BDH1: variants seen among roughly 807,000 people sequenced by gnomAD.
The protein encoded by BDH1 is 3-hydroxybutyrate dehydrogenase 1, also known as D-beta-hydroxybutyrate dehydrogenase, mitochondrial.
In BDH1, 30 loss-of-function variants were observed where a neutral mutation model predicts 33.1. That is an observed-to-expected ratio of 0.91 (90% CI 0.68 to 1.23). The LOEUF (loss-of-function observed/expected upper bound fraction) is 1.23, where lower values mean the gene tolerates loss of function less well. BDH1 is among the 50% of genes most tolerant of loss of function. BDH1 has a pLI of 0.00. For missense variants in BDH1, 443 were observed against 464.4 expected (o/e 0.95, Z 0.42); for synonymous variants, 190 against 183.6 (o/e 1.03, Z -0.28).
chr3:197,512,135 C>CAGCT lies in BDH1; in HGVS notation c.788_791dup (p.Pro265AlafsTer3), dbSNP rs781744588. 1.9e-6 allele frequency: 3 copies of CAGCT among 1,614,198 alleles called. No homozygotes were observed. The South Asian group carries it at 3.3e-5, about 18-fold the overall frequency. ...CGTAGTCCTTGCGCACGACCTCAGGCAGCTCCTCCCACATCTTCTTGGCGA... is the reference window on the plus strand; with the variant it reads ...CGTAGTCCTTGCGCACGACCTCAGGCAGCTAGCTCCTCCCACATCTTCTTGGCGA... On this transcript the variant is annotated frameshift_variant, in exon 8 of 8. Transcript: ENST00000392379. LOFTEE classifies it high-confidence loss of function.
rs141988692 is a variant in BDH1, at chr3:197,551,102, C to T, written c.-44+3460G>A. On this transcript the variant is annotated intron_variant, in intron 2 of 7. Transcript: ENST00000392379. ...ACTCTTTTAGTTATTTTTATATGTGCAATTAAATGATCATTGACTATAGTC... is the reference window on the plus strand; with the variant it reads ...ACTCTTTTAGTTATTTTTATATGTGTAATTAAATGATCATTGACTATAGTC... 6.2e-3 allele frequency among the ~76,000 whole-genome samples: 942 copies of T among 152,248 alleles called. 8 individuals are homozygous for T. The highest frequency in any genetic ancestry group is 0.01 in the Non-Finnish European group (700 of 68,012).
intron 1 of BDH1, among the ~76,000 whole-genome samples, chr3:197,569,918 G>T (rs985682304): frequency 1.3e-5 from 2 of 152,212 alleles, no homozygotes; most frequent in African/African-American, 4.8e-5. Flanking sequence ...CTGGGTAACA[G>T]GCAGAGGTTA....
At chr3:197,532,913 G>C (rs1022364252) in intron 4 of BDH1, among the ~76,000 whole-genome samples, 1 of 152,192 alleles carries the variant, frequency 6.6e-6, no homozygotes, top group Non-Finnish European at 1.5e-5. Context: ...TTTGGCTCTT[G>C]TTGCCCAGGC....
rs1049943574 is a variant in BDH1 at position 197,523,955 on chromosome 3, G to A, written c.268-1174C>T. Among the ~76,000 whole-genome samples the A allele has an allele frequency of 1.3e-5, 2 of 152,174 alleles. No individual in the cohort carries two copies. The highest frequency in any genetic ancestry group is 4.8e-5 in the African/African-American group (2 of 41,444). On this transcript the variant is annotated intron_variant, in intron 5 of 7. Transcript: ENST00000392379. The surrounding 1 kb of genome is among the most constrained non-coding windows in gnomAD (Gnocchi z 4.5). ...CAGGGGTCTGCTTGTGGGCACTGCCGAGCTGCTGGGGGGCTTTCCTCTAAG... is the reference window on the plus strand; with the variant it reads ...CAGGGGTCTGCTTGTGGGCACTGCCAAGCTGCTGGGGGGCTTTCCTCTAAG...
At chr3:197,570,931 G>A (rs1171966223) in intron 1 of BDH1, among the ~76,000 whole-genome samples, 1 of 152,218 alleles carries the variant, frequency 6.6e-6, no homozygotes, top group Non-Finnish European at 1.5e-5. Flanking sequence ...CCATGTGCCT[G>A]GAAAAGTCAC....
Position 197,514,114 on chromosome 3 carries a change from C to T in BDH1, c.562+150G>A. 1 of 1,103,124 alleles carries T rather than the reference C, an allele frequency of 9.1e-7. No individual in the cohort carries two copies. 68.3% of individuals were successfully genotyped at this position (1,103,124 alleles called of 1,614,324 possible). ...GCCACAGCCCCTCTGCCCACCATCA[C>T]CCCAGGCCCAGCATAGTCCCTGGGA... On this transcript the variant is annotated intron_variant, in intron 7 of 7. Transcript: ENST00000392379. This position sits in a 1 kb window ranked among gnomAD's most constrained non-coding sequence, Gnocchi z 4.2.
chr3:197,518,799 C>A (rs1476670070), intron 6 of BDH1, among the ~76,000 whole-genome samples: 1 of 37,050 alleles, frequency 2.7e-5, no homozygotes, highest in Non-Finnish European at 4.8e-5. Context: ...TCAGGCCGAC[C>A]CCCCCCATCA....
At chr3:197,515,954 T>C in intron 6 of BDH1, 1 of 153,674 alleles carries the variant, frequency 6.5e-6, no homozygotes, top group Non-Finnish European at 1.4e-5. Flanking sequence ...CTCCCTTCCA[T>C]ACCACACTGG....
At position 197,514,282 on chromosome 3, in the gene BDH1, G is replaced by T. The variant is rs780604876; in HGVS notation, c.544C>A (p.Leu182Ile). Residue 182 changes from leucine to isoleucine, a missense_variant, in exon 7 of 8, where the codon CTC becomes ATC. Coordinates refer to ENST00000392379, the MANE Select transcript of BDH1 (RefSeq NM_203314.3). This position sits in a 1 kb window ranked among gnomAD's most constrained non-coding sequence, Gnocchi z 4.2. ...CACTCACCTTTGGCCCTTCGGATGA[G>T]GGGGAGAAAGGATTTCGTCATCCGC... Reference protein sequence around the residue: ...TVRMTKSFLPLIRRAKGRVVN... With the variant: ...TVRMTKSFLPIIRRAKGRVVN... 5 of 1,613,328 alleles carry T rather than the reference G, an allele frequency of 3.1e-6. No homozygotes were observed. The highest frequency in any genetic ancestry group is 2.2e-5 in the East Asian group (1 of 44,818).
At position 197,523,075 on chromosome 3, in the gene BDH1, G is replaced by T; in HGVS notation, c.268-294C>A. ...CAAGCAGGGGTTGCAAACTTATGTGGGGCAGGCGGGGGCCCTGGGGAGTAC... is the reference window on the plus strand; with the variant it reads ...CAAGCAGGGGTTGCAAACTTATGTGTGGCAGGCGGGGGCCCTGGGGAGTAC... On this transcript the variant is annotated intron_variant, in intron 5 of 7. Coordinates refer to ENST00000392379, the MANE Select transcript of BDH1 (RefSeq NM_203314.3). The surrounding 1 kb of genome is among the most constrained non-coding windows in gnomAD (Gnocchi z 4.5). 1 of 404,620 alleles carries T rather than the reference G, an allele frequency of 2.5e-6. No individual in the cohort carries two copies. Among genetic ancestry groups the T allele is most frequent in the Non-Finnish European group, 4.4e-6 (1 of 229,222 alleles). The allele number at this position is 404,620 out of a possible 1,614,324, so 25.1% of individuals were successfully genotyped here.
chr3:197,533,415 C>T, intron 4 of BDH1, 74 bp downstream of exon 4: 1 of 1,474,292 alleles, frequency 6.8e-7, no homozygotes, highest in Non-Finnish European at 9.5e-7. Context: ...CTGAGGGTAG[C>T]TCAGGGCCTA....
intron 3 of BDH1, chr3:197,534,270 T>C (rs1481017123): frequency 1.3e-5 from 2 of 152,232 alleles, no homozygotes; most frequent in Non-Finnish European, 2.9e-5. Context: ...ACCACAAATC[T>C]GTTCCCCATC....
At chr3:197,513,039 C>G (rs1056268800) in intron 7 of BDH1, among the ~76,000 whole-genome samples, 17 of 152,142 alleles carry the variant, frequency 1.1e-4, no homozygotes, top group African/African-American at 4.1e-4. Context: ...AGACCAGGAC[C>G]GCCTGGCAAA....
chr3:197,520,688 C>T lies in BDH1; in HGVS notation c.409+1952G>A, dbSNP rs1713451531. 6.6e-6 allele frequency among the ~76,000 whole-genome samples: 1 copy of T among 152,158 alleles called. No homozygotes were observed. The highest frequency in any genetic ancestry group is 1.5e-5 in the Non-Finnish European group (1 of 68,030). On this transcript the variant is annotated intron_variant, in intron 6 of 7. Coordinates refer to ENST00000392379, the MANE Select transcript of BDH1 (RefSeq NM_203314.3). The surrounding 1 kb of genome is among the most constrained non-coding windows in gnomAD (Gnocchi z 6.0). ...AAGTGGCTTTATGGTGCCGATGCAG[C>T]TGTTTTCCTGCCCAGTAGTTTATGA...
At chr3:197,546,967 A>G (rs893913558) in intron 2 of BDH1, among the ~76,000 whole-genome samples, 2 of 152,192 alleles carry the variant, frequency 1.3e-5, no homozygotes, top group Admixed American at 6.5e-5. Context: ...CTCATGCCAC[A>G]TAGCATCTGA....
At chr3:197,531,126 T>C (rs946112141) in intron 5 of BDH1, among the ~76,000 whole-genome samples, 1 of 152,200 alleles carries the variant, frequency 6.6e-6, no homozygotes, top group Non-Finnish European at 1.5e-5. Context: ...CCAGACGTGG[T>C]GGCTCACGCC....
intron 1 of BDH1, among the ~76,000 whole-genome samples, chr3:197,564,098 T>TAAAAAAAA (rs71164298): frequency 4.1e-4 from 45 of 108,990 alleles, no homozygotes; most frequent in African/African-American, 1.4e-3. Context: ...AGACTTCATC[T>TAAAAAAAA]AAAAAAAAAA....
chr3:197,548,753 G>A (rs544925767), intron 2 of BDH1, among the ~76,000 whole-genome samples: 5 of 152,108 alleles, frequency 3.3e-5, no homozygotes, highest in South Asian at 2.1e-4. Context: ...CGGGAGGCTG[G>A]GGCAGGAGAA....
intron 5 of BDH1, among the ~76,000 whole-genome samples, chr3:197,531,034 G>A (rs906963748): frequency 6.6e-6 from 1 of 152,086 alleles, no homozygotes; most frequent in Non-Finnish European, 1.5e-5. Flanking sequence ...CAAATAAATG[G>A]CATTATATTT....
Sources: gnomAD v4.1 joint callset for allele counts (sites outside exome capture counted in the v4.1 genomes callset) on GRCh38, gnomAD v4.1.1 for gene constraint, Gnocchi (gnomAD v3.1) non-coding constraint, MANE v1.5 for transcripts, NCBI Gene and HGNC (gene_info 2026-07-23, HGNC 2026-07-21) for gene names.